The following KIF2A variants were observed in gnomAD, a reference collection of about 807,000 sequenced individuals.
KIF2A encodes kinesin-like protein KIF2A.
In KIF2A, 22 loss-of-function variants were observed where a neutral mutation model predicts 100.2. The ratio of observed to expected loss-of-function variants is 0.22; its 90% CI spans 0.16 to 0.31. KIF2A has a LOEUF of 0.31. KIF2A is among the 10% of genes least tolerant of loss of function. The pLI is 1.00. For missense variants in KIF2A, 495 were observed against 898.7 expected, an observed-to-expected ratio of 0.55 and a Z score of 5.74; for synonymous variants, 268 against 285.9, an observed-to-expected ratio of 0.94 and a Z score of 0.63.
At chr5:62,346,380 T>C (rs2111904373) in intron 1 of KIF2A, among the ~76,000 whole-genome samples, 1 of 152,298 alleles carries the variant, frequency 6.6e-6, no homozygotes, top group Middle Eastern at 3.4e-3. Flanking sequence ...ATTTTATCAA[T>C]TTGCATCGTA....
rs247267 is a variant in KIF2A at position 62,361,747 on chromosome 5, T to C, written c.1027+218T>C. Among the ~76,000 whole-genome samples the C allele has an allele frequency of 0.49, 73,557 of 150,420 alleles. 18,940 individuals are homozygous for C. The highest frequency in any genetic ancestry group is 0.65 in the African/African-American group (26,511 of 40,988). On this transcript the variant is annotated intron_variant, in intron 11 of 20. Coordinates refer to ENST00000407818, the MANE Select transcript of KIF2A (RefSeq NM_001098511.3). ...AAGAAGACAAGAACTGTAGGCTGGG[T>C]GTGGTGGTTCATGCCTGTAATCCCT...
In KIF2A at chr5:62,376,816, C is replaced by T. The variant is rs139792653; in HGVS notation, c.1912-845C>T. On this transcript the variant is annotated intron_variant, in intron 18 of 20. Transcript: ENST00000407818. ...AGAGAAGCTCTGACTTGCTATAGGA[C>T]GAAAATATGAATATATTGTATATAG... 5.6e-3 allele frequency among the ~76,000 whole-genome samples: 856 copies of T among 151,970 alleles called. 9 individuals carry two copies. Among genetic ancestry groups the T allele is most frequent in the African/African-American group, 0.02 (824 of 41,444 alleles).
intron 1 of KIF2A, among the ~76,000 whole-genome samples, chr5:62,317,327 C>T (rs1034041512): frequency 5.9e-5 from 9 of 152,174 alleles, no homozygotes; most frequent in Admixed American, 2.0e-4. Flanking sequence ...GGATTACAGG[C>T]GTGAGCCACA....
intron 1 of KIF2A, among the ~76,000 whole-genome samples, chr5:62,333,104 T>G (rs1398495078): frequency 6.6e-6 from 1 of 152,236 alleles, no homozygotes; most frequent in African/African-American, 2.4e-5. Flanking sequence ...ATATTTGGAA[T>G]GTAGCTCCAA....
chr5:62,334,122 C>T (rs925197885), intron 1 of KIF2A, among the ~76,000 whole-genome samples: 2 of 152,046 alleles, frequency 1.3e-5, no homozygotes, highest in African/African-American at 4.8e-5. Context: ...GGCAGGAGGT[C>T]CCTACCTGAC....
At chr5:62,357,152 C>T (rs1357455611) in intron 7 of KIF2A, among the ~76,000 whole-genome samples, 1 of 151,568 alleles carries the variant, frequency 6.6e-6, no homozygotes, top group Non-Finnish European at 1.5e-5. Context: ...GGCATAATCT[C>T]GGCCCGCTGC....
In KIF2A at chr5:62,322,731, T is replaced by C. The variant is rs527513838; in HGVS notation, c.64+16195T>C. 4.8e-3 allele frequency among the ~76,000 whole-genome samples: 734 copies of C among 152,166 alleles called. 11 individuals carry two copies. Among genetic ancestry groups the C allele is most frequent in the Non-Finnish European group, 7.6e-3 (514 of 68,000 alleles). ...TTTTATCTGTGTACCTACACACATATATGCATATATGGTATAATGTATCAA... is the reference window on the plus strand; with the variant it reads ...TTTTATCTGTGTACCTACACACATACATGCATATATGGTATAATGTATCAA... On this transcript the variant is annotated intron_variant, in intron 1 of 20. Transcript: ENST00000407818.
At chr5:62,308,383 C>T in intron 1 of KIF2A, 1 of 1,469,168 alleles carries the variant, frequency 6.8e-7, no homozygotes, top group Non-Finnish European at 9.2e-7. Flanking sequence ...TGCACAGCAA[C>T]ACCTGTCCCT....
At chr5:62,328,715 C>T (rs1746499310) in intron 1 of KIF2A, among the ~76,000 whole-genome samples, 1 of 152,122 alleles carries the variant, frequency 6.6e-6, no homozygotes, top group African/African-American at 2.4e-5. Flanking sequence ...TGGTCTCAAA[C>T]TCCCAACCTC....
intron 1 of KIF2A, among the ~76,000 whole-genome samples, chr5:62,315,908 T>G (rs1463713125): frequency 6.6e-6 from 1 of 152,168 alleles, no homozygotes; most frequent in Non-Finnish European, 1.5e-5. Flanking sequence ...GCAAGAAGAA[T>G]TGATGTTATA....
At chr5:62,318,096 T>G (rs1219425790) in intron 1 of KIF2A, among the ~76,000 whole-genome samples, 1 of 152,170 alleles carries the variant, frequency 6.6e-6, no homozygotes, top group East Asian at 1.9e-4. Flanking sequence ...GACTTTTTTT[T>G]TTTTGGAGAC....
chr5:62,310,207 C>T (rs936709663), intron 1 of KIF2A, among the ~76,000 whole-genome samples: 3 of 151,974 alleles, frequency 2.0e-5, no homozygotes, highest in Non-Finnish European at 4.4e-5. Context: ...GTGTGTGCCA[C>T]CATGCCCGGC....
At chr5:62,357,248 T>G (rs1007470321) in intron 7 of KIF2A, among the ~76,000 whole-genome samples, 2 of 151,648 alleles carry the variant, frequency 1.3e-5, no homozygotes, top group Non-Finnish European at 2.9e-5. Flanking sequence ...CACTCCCGGC[T>G]AATTTTTATA....
At chr5:62,357,354 G>T (rs1228932162) in intron 7 of KIF2A, among the ~76,000 whole-genome samples, 1 of 152,160 alleles carries the variant, frequency 6.6e-6, no homozygotes, top group East Asian at 1.9e-4. Flanking sequence ...AAAGTGCTGG[G>T]ATTATAGGAA....
rs4290970 is a variant in KIF2A at position 62,306,834 on chromosome 5, T to C, written c.64+298T>C. 0.64 allele frequency: 240,212 copies of C among 372,994 alleles called. 78,328 individuals are homozygous for C. Among genetic ancestry groups the C allele is most frequent in the South Asian group, 0.69 (18,360 of 26,638 alleles). The allele number at this position is 372,994 out of a possible 1,614,324, so 23.1% of individuals were successfully genotyped here. A position where few individuals can be genotyped will look rare whatever the true frequency, so the allele number is the denominator to read the frequency against. On this transcript the variant is annotated intron_variant, in intron 1 of 20. Coordinates refer to ENST00000407818, the MANE Select transcript of KIF2A (RefSeq NM_001098511.3). ...CTGGGCGAGGGCCGCTCGCTCCTCCTCCCGCAATCTCCAGCCCCCCCCCGG... is the reference window on the plus strand; with the variant it reads ...CTGGGCGAGGGCCGCTCGCTCCTCCCCCCGCAATCTCCAGCCCCCCCCCGG...
At chr5:62,381,008 C>A in intron 19 of KIF2A, 110 bp from the exon 20 acceptor site, 1 of 784,020 alleles carries the variant, frequency 1.3e-6, no homozygotes, top group Non-Finnish European at 2.0e-6. Context: ...TGTCTATTGA[C>A]ATTTTAGAGA....
chr5:62,362,472 A>G lies in KIF2A; in HGVS notation c.1050A>G (p.Leu350=). ...ALAARDVFLM[L]KKPNYKKLEL... is the part of the protein sequence containing the mutation. ...CAGCTCGAGATGTCTTTTTAATGCT[A>G]AAGAAGCCAAACTATAAGAAGCTAG... The change falls in exon 12 of 21, where the codon CTA becomes CTG. Residue 350 remains leucine (L), a synonymous_variant. Transcript: ENST00000407818. 1 of 1,455,482 alleles carries G rather than the reference A, an allele frequency of 6.9e-7. No individual in the cohort carries two copies. The highest frequency in any genetic ancestry group is 9.0e-7 in the Non-Finnish European group (1 of 1,105,022). The allele number at this position is 1,455,482 out of a possible 1,614,324, so 90.2% of individuals were successfully genotyped here. A position where few individuals can be genotyped will look rare whatever the true frequency, so the allele number is the denominator to read the frequency against.
intron 20 of KIF2A, among the ~76,000 whole-genome samples, chr5:62,383,815 T>C (rs1741894965): frequency 6.6e-6 from 1 of 152,212 alleles, no homozygotes; most frequent in African/African-American, 2.4e-5. Flanking sequence ...AGCATTCAAC[T>C]TAATTGACTT....
chr5:62,354,927 CAG>C (rs1365403543), intron 6 of KIF2A, among the ~76,000 whole-genome samples: 1 of 151,978 alleles, frequency 6.6e-6, no homozygotes, highest in Non-Finnish European at 1.5e-5. Flanking sequence ...TTGGAGTTAA[CAG>C]AATGCATACC....
Sources: gnomAD v4.1 joint callset for allele counts (sites outside exome capture counted in the v4.1 genomes callset) on GRCh38, gnomAD v4.1.1 for gene constraint, MANE v1.5 for transcripts, NCBI Gene and HGNC (gene_info 2026-07-23, HGNC 2026-07-21) for gene names.